Variants in KLHL4 observed in about 807,000 individuals in gnomAD.
The protein encoded by KLHL4 is kelch like family member 4.
In KLHL4, 17 loss-of-function variants were observed where a neutral mutation model predicts 45.8. The observed-to-expected ratio is 0.37, with a 90% CI of 0.25 to 0.56. The LOEUF (loss-of-function observed/expected upper bound fraction) is 0.56. Among genes scored for constraint, KLHL4 ranks in the 20% least tolerant of loss-of-function variants. KLHL4 has a pLI of 0.79. For missense variants in KLHL4, 544 were observed against 544.9 expected (o/e 1.00, Z 0.02); for synonymous variants, 224 against 189.9 (o/e 1.18, Z -1.47).
intron 1 of KLHL4, among the ~76,000 whole-genome samples, chrX:87,551,600 T>C (rs777065601): frequency 2.8e-5 from 3 of 109,044 alleles, no homozygotes; most frequent in Non-Finnish European, 5.7e-5. Flanking sequence ...GATAGATAGA[T>C]AGATAGATAG....
chrX:87,645,528 G>A (rs1332943554), intron 9 of KLHL4, among the ~76,000 whole-genome samples: 1 of 111,502 alleles, frequency 9.0e-6, no homozygotes, highest in Non-Finnish European at 1.9e-5. Flanking sequence ...ACTACCATTT[G>A]ACCCAGCAAT....
intron 1 of KLHL4, among the ~76,000 whole-genome samples, chrX:87,585,327 A>T (rs564144505): frequency 2.7e-5 from 3 of 111,692 alleles, no homozygotes; most frequent in African/African-American, 9.7e-5. Flanking sequence ...ATTAAGTAAA[A>T]AGAAAAACAC....
intron 7 of KLHL4, 125 bp from the exon 8 acceptor site, chrX:87,633,624 T>C (rs1923168547): frequency 2.1e-6 from 1 of 473,549 alleles, no homozygotes; most frequent in Admixed American, 4.2e-5. Context: ...AAACTATTCA[T>C]ATGTATGCAA....
At chrX:87,585,956 A>G (rs1921456438) in intron 1 of KLHL4, among the ~76,000 whole-genome samples, 1 of 111,696 alleles carries the variant, frequency 9.0e-6, no homozygotes, top group Non-Finnish European at 1.9e-5. Context: ...TTGGAAACCA[A>G]AAAAGAGCAT....
Position 87,668,322 on chromosome X carries a change from A to C in KLHL4, c.*1788A>C, listed in dbSNP as rs1044453203. Reference sequence around the variant, plus strand: ...CCTAGCTTGCCAATCTTCCAGTAACAACGAGGTGCTACCAATAGGCAGACT... The same window carrying C: ...CCTAGCTTGCCAATCTTCCAGTAACCACGAGGTGCTACCAATAGGCAGACT... On this transcript the variant is annotated 3_prime_UTR_variant, in exon 11 of 11. Coordinates refer to ENST00000373119, the MANE Select transcript of KLHL4 (RefSeq NM_019117.5). The C allele has an allele frequency of 8.0e-6, 6 of 752,669 alleles. No homozygotes were observed. The highest frequency in any genetic ancestry group is 7.8e-6 in the Non-Finnish European group (5 of 638,844). 62.0% of individuals were successfully genotyped at this position (752,669 alleles called of 1,213,427 possible).
chrX:87,591,627 C>T (rs766053896), intron 1 of KLHL4, among the ~76,000 whole-genome samples: 1 of 111,693 alleles, frequency 9.0e-6, no homozygotes, highest in South Asian at 3.7e-4. Context: ...GTTGCCTTTT[C>T]TGTGTAGAAG....
intron 1 of KLHL4, among the ~76,000 whole-genome samples, chrX:87,578,191 C>T (rs1019984246): frequency 1.8e-5 from 2 of 110,978 alleles, no homozygotes; most frequent in African/African-American, 6.5e-5. Context: ...TATAAAGTTT[C>T]TTTTCTCTTT....
intron 7 of KLHL4, 87 bp from the exon 8 acceptor site, chrX:87,633,662 T>G (rs773135033): frequency 1.2e-6 from 1 of 807,084 alleles, no homozygotes; most frequent in Non-Finnish European, 1.7e-6. Flanking sequence ...AACAAAAAAA[T>G]TTAAGCAGTT....
chrX:87,601,750 C>G (rs1439987904), intron 1 of KLHL4, among the ~76,000 whole-genome samples: 2 of 111,614 alleles, frequency 1.8e-5, no homozygotes, highest in East Asian at 5.7e-4. Context: ...GCTACCTACT[C>G]TAAAAATATC....
At chrX:87,552,693 TTATATA>T (rs3049243) in intron 1 of KLHL4, among the ~76,000 whole-genome samples, 1 of 88,908 alleles carries the variant, frequency 1.1e-5, no homozygotes, top group Non-Finnish European at 2.1e-5. Context: ...AACTGTTAAA[TTATATA>T]TATATATATA....
At chrX:87,584,659 A>T (rs1005004280) in intron 1 of KLHL4, among the ~76,000 whole-genome samples, 2 of 110,582 alleles carry the variant, frequency 1.8e-5, no homozygotes, top group African/African-American at 3.3e-5. Context: ...TTGAAAATAC[A>T]CAGTCAGAAA....
intron 7 of KLHL4, among the ~76,000 whole-genome samples, chrX:87,633,166 T>C (rs1412683812): frequency 9.0e-6 from 1 of 111,095 alleles, no homozygotes; most frequent in Non-Finnish European, 1.9e-5. Context: ...GAGAGGTTGA[T>C]TGGGATAGTG....
chrX:87,610,018 A>C (rs1480853370), intron 1 of KLHL4, among the ~76,000 whole-genome samples: 2 of 111,539 alleles, frequency 1.8e-5, no homozygotes, highest in African/African-American at 6.5e-5. Context: ...GGAGGAGACA[A>C]ATGTCAAAAC....
intron 6 of KLHL4, among the ~76,000 whole-genome samples, chrX:87,631,934 G>A (rs1186875460): frequency 8.9e-6 from 1 of 112,247 alleles, no homozygotes; most frequent in Non-Finnish European, 1.9e-5. Flanking sequence ...ACTACCAGTA[G>A]AATAGTATAG....
chrX:87,639,654 G>T (rs1304829008), intron 9 of KLHL4, among the ~76,000 whole-genome samples: 1 of 110,802 alleles, frequency 9.0e-6, no homozygotes, highest in East Asian at 2.8e-4. Context: ...AAAATTATTT[G>T]AACTGAACAA....
intron 9 of KLHL4, among the ~76,000 whole-genome samples, chrX:87,643,370 C>T (rs961291021): frequency 2.7e-5 from 3 of 110,815 alleles, no homozygotes; most frequent in African/African-American, 9.8e-5. Flanking sequence ...AATTAGATAC[C>T]TTGAACAGAC....
At chrX:87,660,510 A>G (rs1924153579) in intron 9 of KLHL4, among the ~76,000 whole-genome samples, 1 of 112,197 alleles carries the variant, frequency 8.9e-6, no homozygotes, top group Non-Finnish European at 1.9e-5. Flanking sequence ...ATGAATTTGT[A>G]TAAAAATAAT....
At chrX:87,525,572 T>C (rs1400890588) in intron 1 of KLHL4, among the ~76,000 whole-genome samples, 2 of 111,594 alleles carry the variant, frequency 1.8e-5, no homozygotes, top group Non-Finnish European at 3.8e-5. Context: ...TAAAAATAAC[T>C]ATCTAAGAAA....
intron 9 of KLHL4, among the ~76,000 whole-genome samples, chrX:87,644,917 T>C (rs758173279): frequency 3.2e-4 from 36 of 112,001 alleles, no homozygotes; most frequent in Non-Finnish European, 5.5e-4. Context: ...GATTAAGGTC[T>C]TAAACTTAAG....
Sources: gnomAD v4.1 joint callset for allele counts (sites outside exome capture counted in the v4.1 genomes callset) on GRCh38, gnomAD v4.1.1 for gene constraint, MANE v1.5 for transcripts, NCBI Gene and HGNC (gene_info 2026-07-23, HGNC 2026-07-21) for gene names.